Variants in IL17RD observed in about 807,000 individuals in gnomAD.
IL17RD encodes interleukin-17 receptor D.
Under a neutral mutation model 80.5 loss-of-function variants are expected in IL17RD, and 52 were observed. That is an observed-to-expected ratio of 0.65 (90% confidence interval 0.52 to 0.81). The LOEUF (loss-of-function observed/expected upper bound fraction) is 0.81, where lower values mean the gene tolerates loss of function less well. IL17RD is among the 40% of genes least tolerant of loss of function. IL17RD has a pLI of 0.00. For synonymous variants in IL17RD, 416 were observed against 391.8 expected (o/e 1.06, Z -0.73); for missense variants, 1,024 against 955.1 (o/e 1.07, Z -0.95).
chr3:57,134,758 C>T (rs947788831), intron 1 of IL17RD: 8 of 513,256 alleles, frequency 1.6e-5, no homozygotes, highest in African/African-American at 7.8e-5. Context: ...CTGGCCTCAG[C>T]GATTACGTAG....
At chr3:57,123,048 T>G (rs1374124474) in intron 1 of IL17RD, among the ~76,000 whole-genome samples, 1 of 152,148 alleles carries the variant, frequency 6.6e-6, no homozygotes. Context: ...CCCAAGACAG[T>G]GAGGTGTGCT....
intron 1 of IL17RD, among the ~76,000 whole-genome samples, chr3:57,139,388 TTTTCC>T (rs1205370914): frequency 6.6e-6 from 1 of 152,192 alleles, no homozygotes. Flanking sequence ...TTTTTAAACT[TTTTCC>T]TTTGTTTAAA....
At chr3:57,152,383 G>C (rs1258128112) in intron 1 of IL17RD, among the ~76,000 whole-genome samples, 1 of 152,218 alleles carries the variant, frequency 6.6e-6, no homozygotes, top group Non-Finnish European at 1.5e-5. Context: ...AAGCAAAGTT[G>C]AATCTCTGCG....
chr3:57,138,634 G>A (rs1413643483), intron 1 of IL17RD, among the ~76,000 whole-genome samples: 1 of 152,026 alleles, frequency 6.6e-6, no homozygotes, highest in Non-Finnish European at 1.5e-5. Flanking sequence ...TGATTTTAAG[G>A]CAATAACGAG....
At chr3:57,143,375 C>T (rs1579308122) in intron 1 of IL17RD, among the ~76,000 whole-genome samples, 1 of 152,330 alleles carries the variant, frequency 6.6e-6, no homozygotes, top group East Asian at 1.9e-4. Context: ...ACAATCTCAA[C>T]AAAGGCTACG....
At position 57,146,657 on chromosome 3, in the gene IL17RD, G is replaced by A. The variant is rs111290326; in HGVS notation, c.126+18504C>T. Among the ~76,000 whole-genome samples the A allele has an allele frequency of 8.1e-3, 1,215 of 150,744 alleles. 65 individuals are homozygous for A. In the East Asian group the frequency reaches 0.16, roughly 19 times the overall value. On this transcript the variant is annotated intron_variant, in intron 1 of 12. Coordinates refer to ENST00000296318, the MANE Select transcript of IL17RD (RefSeq NM_017563.5). ...CCCAGCTACTCAGGAGGCTGAAGCA[G>A]GAGAATCGCTTGAACCCAGGAGGCA...
chr3:57,139,110 G>T (rs1175851822), intron 1 of IL17RD, among the ~76,000 whole-genome samples: 2 of 151,938 alleles, frequency 1.3e-5, no homozygotes, highest in Admixed American at 1.3e-4. Flanking sequence ...CATGTATGAC[G>T]GCATGCCACA....
chr3:57,102,014 TGAGA>T (rs67281969), intron 10 of IL17RD, among the ~76,000 whole-genome samples: 129,182 of 151,976 alleles, frequency 0.85, 55,513 homozygotes, highest in South Asian at 0.95. Context: ...AATCCCAGCA[TGAGA>T]GGGAGGCTGA....
At chr3:57,163,328 G>C (rs1344925021) in intron 1 of IL17RD, among the ~76,000 whole-genome samples, 3 of 152,190 alleles carry the variant, frequency 2.0e-5, no homozygotes, top group Non-Finnish European at 4.4e-5. Context: ...CAGCATAAGT[G>C]TGAGGTGACT....
intron 1 of IL17RD, among the ~76,000 whole-genome samples, chr3:57,150,942 A>G (rs1708047180): frequency 6.6e-6 from 1 of 152,178 alleles, no homozygotes; most frequent in Non-Finnish European, 1.5e-5. Context: ...CCTGGAAAAC[A>G]CTTTGAAAAG....
At position 57,159,526 on chromosome 3, in the gene IL17RD, G is replaced by A. The variant is rs76828317; in HGVS notation, c.126+5635C>T. 8.2e-3 allele frequency among the ~76,000 whole-genome samples: 1,243 copies of A among 152,308 alleles called. 20 individuals carry two copies. The highest frequency in any genetic ancestry group is 0.028 in the African/African-American group (1,164 of 41,568). ...CATCAGTCACCTAATCGTGTGTCAG[G>A]CCCATTCAGAACATCCAAGCAGCCA... is the stretch of plus-strand genomic sequence containing the variant. On this transcript the variant is annotated intron_variant, in intron 1 of 12. Transcript: ENST00000296318.
At chr3:57,098,584 G>GA in intron 11 of IL17RD, 46 bp from the exon 12 acceptor site, 2 of 1,322,826 alleles carry the variant, frequency 1.5e-6, no homozygotes, top group Non-Finnish European at 2.1e-6. Context: ...GGCTCGGGAA[G>GA]AGGCTCGGGA....
rs1340651216 is a variant in IL17RD, at chr3:57,102,583, G to A, written c.875C>T (p.Ser292Phe). 32 of 1,517,632 alleles carry A rather than the reference G, an allele frequency of 2.1e-5. No individual in the cohort carries two copies. Among genetic ancestry groups the A allele is most frequent in the African/African-American group, 6.9e-5 (5 of 72,938 alleles). The allele number at this position is 1,517,632 out of a possible 1,614,324, so 94.0% of individuals were successfully genotyped here. Residue 292 changes from serine (S) to phenylalanine (F), a missense_variant, in exon 10 of 13, where the codon TCC becomes TTC. Coordinates refer to ENST00000296318, the MANE Select transcript of IL17RD (RefSeq NM_017563.5). Reference sequence around the variant, plus strand: ...GGCTCTGATGGGCCCGGCCCACGGGGAGTGCACTGGGAAATTTCAAAGGGA... The same window carrying A: ...GGCTCTGATGGGCCCGGCCCACGGGAAGTGCACTGGGAAATTTCAAAGGGA... ...VMHYALKPVH[S>F]PWAGPIRAVA...
intron 1 of IL17RD, chr3:57,164,892 G>A (rs2060335552): frequency 3.3e-6 from 4 of 1,211,444 alleles, no homozygotes; most frequent in Admixed American, 5.0e-5. Context: ...CCTCACGCCC[G>A]CCCTCTGAAT....
intron 1 of IL17RD, among the ~76,000 whole-genome samples, chr3:57,137,874 T>C (rs6445858): frequency 0.25 from 37,575 of 152,108 alleles, 5,787 homozygotes; most frequent in African/African-American, 0.41. Context: ...ACAGAGCTCA[T>C]TAAATACTAA....
intron 1 of IL17RD, among the ~76,000 whole-genome samples, chr3:57,121,059 A>G (rs1324765594): frequency 1.3e-5 from 2 of 152,172 alleles, no homozygotes; most frequent in East Asian, 3.8e-4. Flanking sequence ...ATGCATCATG[A>G]GAAAGAGCAG....
At chr3:57,132,599 C>T (rs1707635071) in intron 1 of IL17RD, among the ~76,000 whole-genome samples, 2 of 152,188 alleles carry the variant, frequency 1.3e-5, no homozygotes, top group Admixed American at 1.3e-4. Flanking sequence ...TTTGTTACAA[C>T]TCAGTAACTA....
chr3:57,169,378 C>T, upstream of IL17RD: 1 of 369,966 alleles, frequency 2.7e-6, no homozygotes, highest in Non-Finnish European at 5.5e-6. Flanking sequence ...CACCACCTCC[C>T]CCTCTTTGGA....
At chr3:57,104,638 G>A (rs1706911333) in intron 7 of IL17RD, among the ~76,000 whole-genome samples, 1 of 152,208 alleles carries the variant, frequency 6.6e-6, no homozygotes. Context: ...ATGCTTAGCT[G>A]GTGGCACCCT....
Sources: allele counts gnomAD v4.1 joint callset (sites outside exome capture counted in the v4.1 genomes callset), GRCh38; gene constraint gnomAD v4.1.1; transcripts MANE v1.5; gene names NCBI Gene and HGNC (gene_info 2026-07-23, HGNC 2026-07-21).